The following SNRPG variants were observed in gnomAD, a reference collection of about 807,000 sequenced individuals.
SNRPG encodes the protein small nuclear ribonucleoprotein polypeptide G, also known as small nuclear ribonucleoprotein G.
A neutral mutation model predicts 13.9 loss-of-function variants in SNRPG; 3 were observed. That is an observed-to-expected ratio of 0.22 (90% CI 0.10 to 0.56). SNRPG has a LOEUF of 0.56. Among genes scored for constraint, SNRPG ranks in the 20% least tolerant of loss-of-function variants. SNRPG has a pLI of 0.93. For missense variants in SNRPG, 34 were observed against 96.1 expected (o/e 0.35, Z 2.70); for synonymous variants, 29 against 29.3 (o/e 0.99, Z 0.03).
chr2:70,287,883 G>A (rs956903483), intron 3 of SNRPG, 185 bp downstream of exon 3: 4 of 610,212 alleles, frequency 6.6e-6, no homozygotes, highest in African/African-American at 1.9e-5. Context: ...GTATAGTTGA[G>A]ATCTTACCTA....
rs560475274 is a variant in SNRPG, at chr2:70,287,483, A to G, written c.180+585T>C. The G allele has an allele frequency of 1.2e-4, 72 of 577,892 alleles. 1 individual carries two copies. Among genetic ancestry groups the G allele is most frequent in the South Asian group, 4.9e-4 (22 of 44,752 alleles). The allele number at this position is 577,892 out of a possible 1,614,324, so 35.8% of individuals were successfully genotyped here. ...ATGTTTAATCCTATGAGGGCTCAGT[A>G]TGTGCTTATTTTTTCCTGCTTTTTC... On this transcript the variant is annotated intron_variant, in intron 3 of 3. Transcript: ENST00000272348.
At chr2:70,288,524 G>A (rs541556692) in intron 2 of SNRPG, among the ~76,000 whole-genome samples, 1 of 152,294 alleles carries the variant, frequency 6.6e-6, no homozygotes, top group East Asian at 1.9e-4. Flanking sequence ...CTCCCAAAGT[G>A]CTGGGGGATT....
intron 3 of SNRPG, among the ~76,000 whole-genome samples, chr2:70,283,096 C>CAAAAAAAAAAAAAAAAAAAAAAAAAA (rs57862220): frequency 2.8e-4 from 4 of 14,040 alleles, no homozygotes; most frequent in African/African-American, 1.4e-3. Flanking sequence ...TGTCTTTTGT[C>CAAAAAAAAAAAAAAAAAAAAAAAAAA]AAAAAAAAAA....
intron 1 of SNRPG, chr2:70,293,259 C>T: frequency 1.4e-6 from 1 of 701,476 alleles, no homozygotes; most frequent in South Asian, 1.5e-5. Flanking sequence ...CAGAGAATTT[C>T]CCCCTCTAGC....
intron 3 of SNRPG, among the ~76,000 whole-genome samples, chr2:70,282,644 T>C (rs1408557777): frequency 6.6e-6 from 1 of 152,170 alleles, no homozygotes; most frequent in Non-Finnish European, 1.5e-5. Flanking sequence ...AGAGTTTCAC[T>C]TGGGGGAATG....
intron 1 of SNRPG, among the ~76,000 whole-genome samples, chr2:70,289,967 T>C (rs143887421): frequency 1.1e-3 from 161 of 152,130 alleles, no homozygotes; most frequent in Admixed American, 1.8e-3. Flanking sequence ...ATTCTTATTG[T>C]TCAATACTAC....
intron 3 of SNRPG, among the ~76,000 whole-genome samples, chr2:70,282,023 A>C (rs986952444): frequency 2.0e-5 from 3 of 152,040 alleles, no homozygotes; most frequent in African/African-American, 7.2e-5. Flanking sequence ...AGGTTCAAGC[A>C]ATCCTGCTTC....
chr2:70,292,470 C>T (rs1269135227), intron 1 of SNRPG, among the ~76,000 whole-genome samples: 1 of 152,170 alleles, frequency 6.6e-6, no homozygotes, highest in Non-Finnish European at 1.5e-5. Flanking sequence ...GCCTCAACCT[C>T]CGGAATAGCT....
rs142441249 is a variant in SNRPG, at chr2:70,285,890, G to A, written c.180+2178C>T. On this transcript the variant is annotated intron_variant, in intron 3 of 3. Transcript: ENST00000272348. The stretch of plus-strand genomic sequence containing the variant: ...TGGGGATGTCTCAGAAGATAGTTGA[G>A]ATTTATCATTAGGTAACGATCCAAC... 1.4e-4 allele frequency among the ~76,000 whole-genome samples: 21 copies of A among 152,302 alleles called. No homozygotes were observed. The East Asian group carries it at 3.8e-3, about 28-fold the overall frequency.
chr2:70,287,327 C>T, intron 3 of SNRPG: 1 of 702,514 alleles, frequency 1.4e-6, no homozygotes, highest in Non-Finnish European at 2.6e-6. Context: ...TTTGGTTCAC[C>T]TTTTTCAAGA....
At chr2:70,293,465 T>G (rs942255439) in intron 1 of SNRPG, 153 bp downstream of exon 1, 2 of 772,874 alleles carry the variant, frequency 2.6e-6, no homozygotes, top group Non-Finnish European at 2.3e-6. Flanking sequence ...TCACGTCTCA[T>G]GCGCGGGAGC....
At chr2:70,284,800 A>G (rs1037806697) in intron 3 of SNRPG, among the ~76,000 whole-genome samples, 9 of 152,156 alleles carry the variant, frequency 5.9e-5, no homozygotes, top group African/African-American at 9.7e-5. Flanking sequence ...CTAAATTTAC[A>G]TATTTGTCTT....
rs750698198 is a variant in SNRPG, at chr2:70,293,665, G to T, written c.-16C>A. 1.9e-6 allele frequency: 3 copies of T among 1,613,854 alleles called. No homozygotes were observed. Among genetic ancestry groups the T allele is most frequent in the South Asian group, 2.2e-5 (2 of 91,076 alleles). ...CTTTGCTCATGGTGTATACTCCGCG[G>T]GCTCACAGATGCCTTGGAACGCAAC... is the stretch of plus-strand genomic sequence containing the variant. On this transcript the variant is annotated 5_prime_UTR_variant, in exon 1 of 4. Coordinates refer to ENST00000272348, the MANE Select transcript of SNRPG (RefSeq NM_003096.4).
chr2:70,287,052 CTA>C (rs1377913068), intron 3 of SNRPG, among the ~76,000 whole-genome samples: 2 of 152,024 alleles, frequency 1.3e-5, no homozygotes, highest in African/African-American at 2.4e-5. Flanking sequence ...TCTGGAGACT[CTA>C]AACTGTTTTT....
At chr2:70,292,949 T>C in intron 1 of SNRPG, 1 of 579,574 alleles carries the variant, frequency 1.7e-6, no homozygotes, top group Non-Finnish European at 3.1e-6. Context: ...CTTAAAGTTG[T>C]TTGACTTTAC....
intron 3 of SNRPG, among the ~76,000 whole-genome samples, chr2:70,282,359 A>G (rs1028279588): frequency 2.0e-5 from 3 of 152,160 alleles, no homozygotes; most frequent in Non-Finnish European, 2.9e-5. Flanking sequence ...GGAAGAAACC[A>G]GGATGGGAAA....
intron 1 of SNRPG, 84 bp from the exon 2 acceptor site, chr2:70,289,456 T>C (rs1697025017): frequency 2.9e-6 from 2 of 699,494 alleles, no homozygotes; most frequent in South Asian, 3.4e-5. Context: ...TTAAGATAAT[T>C]TGCTAAAATT....
chr2:70,291,830 T>TA (rs61249330), intron 1 of SNRPG, among the ~76,000 whole-genome samples: 11,351 of 144,476 alleles, frequency 0.079, 447 homozygotes, highest in East Asian at 0.2. Context: ...GTCTTTTTGT[T>TA]AAAAAAAAAA....
In SNRPG at chr2:70,281,703, A is replaced by C. The variant is rs201805621; in HGVS notation, c.181-19T>G. 2,356 of 1,413,286 alleles carry C rather than the reference A, an allele frequency of 1.7e-3. 9 individuals carry two copies. Among genetic ancestry groups the C allele is most frequent in the South Asian group, 5.0e-3 (421 of 83,598 alleles). 87.5% of individuals were successfully genotyped at this position (1,413,286 alleles called of 1,614,324 possible). On this transcript the variant is annotated intron_variant, in intron 3 of 3. Transcript: ENST00000272348. The stretch of plus-strand genomic sequence containing the variant: ...GTATTACCTAAGAAAGAGAAAAATA[A>C]ATTTGAAAAGAACAACTCAGGTAAC...
Sources: allele counts gnomAD v4.1 joint callset (sites outside exome capture counted in the v4.1 genomes callset), GRCh38; gene constraint gnomAD v4.1.1; transcripts MANE v1.5; gene names NCBI Gene and HGNC (gene_info 2026-07-23, HGNC 2026-07-21).